Variants in RALYL observed in about 807,000 individuals in gnomAD.
RALYL encodes the protein RNA-binding Raly-like protein.
Under a neutral mutation model 35.1 loss-of-function variants are expected in RALYL, and 29 were observed. That is an observed-to-expected ratio of 0.83 (90% CI 0.61 to 1.13). RALYL has a LOEUF of 1.13. RALYL is among the 50% of genes most tolerant of loss of function. The pLI is 0.00. For synonymous variants in RALYL, 120 were observed against 127.6 expected (o/e 0.94, Z 0.40); for missense variants, 359 against 360.4 (o/e 1.00, Z 0.03).
At chr8:84,347,027 G>A (rs1014831813) in intron 1 of RALYL, among the ~76,000 whole-genome samples, 6 of 151,702 alleles carry the variant, frequency 4.0e-5, no homozygotes, top group African/African-American at 1.2e-4. Context: ...GTGAAACCTC[G>A]TCCCTACTAA....
At chr8:84,545,796 A>C (rs2060315953) in intron 2 of RALYL, among the ~76,000 whole-genome samples, 1 of 152,156 alleles carries the variant, frequency 6.6e-6, no homozygotes, top group Non-Finnish European at 1.5e-5. Flanking sequence ...GACATACTTT[A>C]CAAGTTGTCT....
chr8:84,604,363 T>C lies in RALYL; in HGVS notation c.256+74786T>C, dbSNP rs191786392. Reference sequence around the variant, plus strand: ...CTCAACCACTTTTATCTTAAGCCTTTGCTATCTACACAAAGGGCACATGTC... The same window carrying C: ...CTCAACCACTTTTATCTTAAGCCTTCGCTATCTACACAAAGGGCACATGTC... On this transcript the variant is annotated intron_variant, in intron 2 of 8. Coordinates refer to ENST00000521268, the MANE Select transcript of RALYL (RefSeq NM_173848.7). 5.3e-3 allele frequency among the ~76,000 whole-genome samples: 813 copies of C among 152,052 alleles called. 7 individuals are homozygous for C. The highest frequency in any genetic ancestry group is 0.017 in the South Asian group (80 of 4,804).
chr8:84,494,376 T>C (rs537195536), intron 1 of RALYL, among the ~76,000 whole-genome samples: 164 of 152,296 alleles, frequency 1.1e-3, no homozygotes, highest in Admixed American at 6.0e-3. Context: ...AGAATTGTCT[T>C]TGCTATGTGG....
chr8:84,489,599 A>G (rs2055030558), intron 1 of RALYL, among the ~76,000 whole-genome samples: 1 of 152,044 alleles, frequency 6.6e-6, no homozygotes, highest in South Asian at 2.1e-4. Context: ...TGTGTATTAT[A>G]TGTTTTATTA....
chr8:84,268,388 CA>C (rs543079201), intron 1 of RALYL, among the ~76,000 whole-genome samples: 79 of 152,272 alleles, frequency 5.2e-4, no homozygotes, highest in African/African-American at 1.8e-3. Context: ...TTTTAAAACT[CA>C]TTGGCAATTT....
chr8:84,849,912 C>A, intron 4 of RALYL, 68 bp from the exon 5 acceptor site: 2 of 838,984 alleles, frequency 2.4e-6, no homozygotes, highest in Non-Finnish European at 3.7e-6. Context: ...GCTATAACAT[C>A]ATAAGTTAAT....
chr8:84,900,550 A>G (rs761712206), intron 8 of RALYL, among the ~76,000 whole-genome samples: 1 of 152,044 alleles, frequency 6.6e-6, no homozygotes, highest in Non-Finnish European at 1.5e-5. Context: ...ATGGTGGCAC[A>G]TGCCTGTAAT....
intron 2 of RALYL, among the ~76,000 whole-genome samples, chr8:84,542,105 T>C (rs1017710009): frequency 1.3e-5 from 2 of 152,132 alleles, no homozygotes; most frequent in African/African-American, 2.4e-5. Flanking sequence ...TACTGCATGT[T>C]CATTTGTGGC....
chr8:84,604,283 G>A (rs1816634839), intron 2 of RALYL, among the ~76,000 whole-genome samples: 2 of 152,142 alleles, frequency 1.3e-5, no homozygotes, highest in East Asian at 3.9e-4. Context: ...AGTAACATGT[G>A]GCTTATTGTT....
intron 1 of RALYL, among the ~76,000 whole-genome samples, chr8:84,286,277 T>C (rs910767685): frequency 3.3e-5 from 5 of 152,206 alleles, no homozygotes; most frequent in Non-Finnish European, 7.3e-5. Flanking sequence ...GGTACAGCTA[T>C]GTCTTTTTCT....
intron 1 of RALYL, among the ~76,000 whole-genome samples, chr8:84,286,566 C>T (rs1837667316): frequency 6.6e-6 from 1 of 152,058 alleles, no homozygotes; most frequent in South Asian, 2.1e-4. Context: ...TGCTTAAAAC[C>T]CAAATTCTTG....
chr8:84,384,255 G>C (rs922467250), intron 1 of RALYL, among the ~76,000 whole-genome samples: 1 of 151,708 alleles, frequency 6.6e-6, no homozygotes, highest in African/African-American at 2.4e-5. Flanking sequence ...GAAAGGATCA[G>C]AAGAAATGAT....
chr8:84,656,565 T>C (rs1490397913), intron 2 of RALYL, among the ~76,000 whole-genome samples: 1 of 152,184 alleles, frequency 6.6e-6, no homozygotes, highest in Admixed American at 6.6e-5. Context: ...TCATGATGTT[T>C]GGTAAATAGT....
At chr8:84,198,463 G>GA (rs1328901855) in intron 1 of RALYL, among the ~76,000 whole-genome samples, 1 of 151,996 alleles carries the variant, frequency 6.6e-6, no homozygotes, top group Non-Finnish European at 1.5e-5. Flanking sequence ...TCACATCATG[G>GA]AAAATGTGAT....
At chr8:84,647,711 TGGAG>T (rs1827790343) in intron 2 of RALYL, among the ~76,000 whole-genome samples, 1 of 151,926 alleles carries the variant, frequency 6.6e-6, no homozygotes, top group Non-Finnish European at 1.5e-5. Context: ...TTACATTCCA[TGGAG>T]GGAGATACAC....
At chr8:84,786,102 T>C (rs1351939494) in intron 3 of RALYL, among the ~76,000 whole-genome samples, 1 of 152,232 alleles carries the variant, frequency 6.6e-6, no homozygotes, top group Non-Finnish European at 1.5e-5. Flanking sequence ...GTTCCTGTGT[T>C]AGTTTGCTGA....
At position 84,591,775 on chromosome 8, in the gene RALYL, G is replaced by A. The variant is rs537971055; in HGVS notation, c.256+62198G>A. Among the ~76,000 whole-genome samples, 420 of 152,188 alleles carry A rather than the reference G, an allele frequency of 2.8e-3. 2 individuals are homozygous for A. Among genetic ancestry groups the A allele is most frequent in the Non-Finnish European group, 4.4e-3 (299 of 67,998 alleles). ...GTGTAGGACTGTGTGATGATGATGG[G>A]GAAAAAGAAAGAACACGGAAAAGCA... On this transcript the variant is annotated intron_variant, in intron 2 of 8. Transcript: ENST00000521268.
chr8:84,363,043 G>T (rs1178031381), intron 1 of RALYL, among the ~76,000 whole-genome samples: 1 of 152,034 alleles, frequency 6.6e-6, no homozygotes, highest in Non-Finnish European at 1.5e-5. Context: ...AACTTATGAA[G>T]AATTATGGAA....
At chr8:84,325,335 C>G (rs942911380) in intron 1 of RALYL, among the ~76,000 whole-genome samples, 1 of 152,168 alleles carries the variant, frequency 6.6e-6, no homozygotes, top group African/African-American at 2.4e-5. Flanking sequence ...AATAAATTTA[C>G]TAATTATACT....
Sources: gnomAD v4.1 joint callset for allele counts (sites outside exome capture counted in the v4.1 genomes callset) on GRCh38, gnomAD v4.1.1 for gene constraint, MANE v1.5 for transcripts, NCBI Gene and HGNC (gene_info 2026-07-23, HGNC 2026-07-21) for gene names.